The following RIOX2 variants were observed in gnomAD, a reference collection of about 807,000 sequenced individuals.
RIOX2 encodes 60S ribosomal protein L27a histidine hydroxylase.
In RIOX2, 43 loss-of-function variants were observed where a neutral mutation model predicts 51.2. The ratio of observed to expected loss-of-function variants is 0.84; its 90% CI spans 0.66 to 1.08. The LOEUF (loss-of-function observed/expected upper bound fraction) is 1.08, where lower values mean the gene tolerates loss of function less well. Ranked by LOEUF, RIOX2 falls within the 50% of genes least tolerant of loss-of-function variation. RIOX2 has a pLI of 0.00. For missense variants in RIOX2, 566 were observed against 561.7 expected, an observed-to-expected ratio of 1.01 and a Z score of -0.08; for synonymous variants, 226 against 218.5, an observed-to-expected ratio of 1.03 and a Z score of -0.30.
In RIOX2 at chr3:97,968,289, C is replaced by T. The variant is rs62264233; in HGVS notation, c.-39-657G>A. On this transcript the variant is annotated intron_variant, in intron 1 of 9. Coordinates refer to ENST00000394198, the MANE Select transcript of RIOX2 (RefSeq NM_153182.4). ...ACGGCCACTTTTATCAGAAACTCCC[C>T]TTCGTTTAAAGAAATAAAGCCCCTA... Among the ~76,000 whole-genome samples, 199 of 152,284 alleles carry T rather than the reference C, an allele frequency of 1.3e-3. 2 individuals carry two copies. The highest frequency in any genetic ancestry group is 2.1e-3 in the Non-Finnish European group (146 of 68,022).
intron 5 of RIOX2, 167 bp from the exon 6 acceptor site, chr3:97,951,055 A>C: frequency 1.7e-6 from 1 of 576,304 alleles, no homozygotes; most frequent in Non-Finnish European, 3.1e-6. Flanking sequence ...ATGGAAATCT[A>C]AGACCTTCAT....
chr3:97,954,352 A>C, intron 5 of RIOX2, 40 bp downstream of exon 5: 1 of 1,455,836 alleles, frequency 6.9e-7, no homozygotes, highest in African/African-American at 1.4e-5. Flanking sequence ...GCCAGGACTC[A>C]GAGCTGTCCT....
chr3:97,959,155 C>G lies in RIOX2; in HGVS notation c.577G>C (p.Glu193Gln), dbSNP rs1299336474. ...VEVFILQLEG[E>Q]KHWRLYHPTV... ...GGGTGGTAGAGGCGCCAGTGTTTCT[C>G]TCCCTCCAGCTGCAGGATGAAAACC... Residue 193 changes from glutamate to glutamine, a missense_variant, in exon 4 of 10, where the codon GAG becomes CAG. Coordinates refer to ENST00000394198, the MANE Select transcript of RIOX2 (RefSeq NM_153182.4). 1 of 1,613,860 alleles carries G rather than the reference C, an allele frequency of 6.2e-7. No homozygotes were observed. The highest frequency in any genetic ancestry group is 8.5e-7 in the Non-Finnish European group (1 of 1,179,964).
chr3:97,943,154 C>A lies in RIOX2; in HGVS notation c.*2030G>T. ...ACCGAAATGGTGAGCTGAACAGAAG[C>A]TTGTGAAAATTGTGAAATTGCTAAG... On this transcript the variant is annotated 3_prime_UTR_variant, in exon 10 of 10. Transcript: ENST00000394198. 1.2e-6 allele frequency: 1 copy of A among 817,900 alleles called. No homozygotes were observed. The highest frequency in any genetic ancestry group is 2.0e-6 in the Non-Finnish European group (1 of 491,242). 50.7% of individuals were successfully genotyped at this position (817,900 alleles called of 1,614,324 possible). A position where few individuals can be genotyped will look rare whatever the true frequency, so the allele number is the denominator to read the frequency against.
At chr3:97,952,916 A>C (rs1468995038) in intron 5 of RIOX2, among the ~76,000 whole-genome samples, 2 of 152,128 alleles carry the variant, frequency 1.3e-5, no homozygotes, top group Non-Finnish European at 2.9e-5. Flanking sequence ...GAAAGATAGC[A>C]CTAAACTAGG....
chr3:97,951,508 A>G (rs1279387588), intron 5 of RIOX2, among the ~76,000 whole-genome samples: 1 of 152,206 alleles, frequency 6.6e-6, no homozygotes, highest in Admixed American at 6.5e-5. Context: ...AAATATCCCT[A>G]TTCAATTACC....
rs377477938 is a variant in RIOX2 at position 97,949,988 on chromosome 3, T to G, written c.916A>C (p.Arg306=). 6.2e-7 allele frequency: 1 copy of G among 1,613,868 alleles called. No individual in the cohort carries two copies. The highest frequency in any genetic ancestry group is 8.5e-7 in the Non-Finnish European group (1 of 1,179,936). The part of the protein sequence containing the change: ...LQVESTTVAT[R]RLSGFLRTLA... Reference sequence around the variant, plus strand: ...GTCCTCAGGAAGCCACTTAATCGTCTTGTAGCAACAGTTGTGGATTCCACC... The same window carrying G: ...GTCCTCAGGAAGCCACTTAATCGTCGTGTAGCAACAGTTGTGGATTCCACC... The change falls in exon 7 of 10, where the codon AGA becomes CGA. Residue 306 remains arginine (R), a synonymous_variant. Coordinates refer to ENST00000394198, the MANE Select transcript of RIOX2 (RefSeq NM_153182.4).
Position 97,959,080 on chromosome 3 carries a change from C to G in RIOX2, c.652G>C (p.Gly218Arg). 2 of 1,613,490 alleles carry G rather than the reference C, an allele frequency of 1.2e-6. No individual in the cohort carries two copies. The highest frequency in any genetic ancestry group is 1.7e-6 in the Non-Finnish European group (2 of 1,179,716). ...EYSVEAEERI[G>R]RPVHEFMLKP... ...AGCATAAACTCATGCACCGGCCTGC[C>G]GATCCTTTCCTCGGCCTCCACGCTG... The change falls in exon 4 of 10, where the codon GGC becomes CGC. Residue 218 changes from glycine to arginine, a missense_variant. Gly to Arg is a moderately radical substitution (Grantham distance 125). Coordinates refer to ENST00000394198, the MANE Select transcript of RIOX2 (RefSeq NM_153182.4).
intron 1 of RIOX2, among the ~76,000 whole-genome samples, chr3:97,968,853 A>G (rs1044509376): frequency 2.6e-5 from 4 of 152,166 alleles, no homozygotes; most frequent in African/African-American, 9.6e-5. Context: ...TTATTTATAA[A>G]TGGTATAGTT....
At chr3:97,955,205 T>C (rs1705405826) in intron 4 of RIOX2, among the ~76,000 whole-genome samples, 2 of 152,248 alleles carry the variant, frequency 1.3e-5, no homozygotes, top group East Asian at 1.9e-4. Context: ...TTGGGATGAA[T>C]TGAAAAACTA....
At chr3:97,951,833 G>A (rs1532206) in intron 5 of RIOX2, among the ~76,000 whole-genome samples, 46,300 of 152,082 alleles carry the variant, frequency 0.3, 7,729 homozygotes, top group East Asian at 0.52. Context: ...GTGACTTAAT[G>A]TTATATCCAA....
At chr3:97,948,537 CAT>C (rs1575994182) in intron 7 of RIOX2, among the ~76,000 whole-genome samples, 3 of 152,168 alleles carry the variant, frequency 2.0e-5, no homozygotes, top group Admixed American at 2.0e-4. Flanking sequence ...AAGGCAAGAA[CAT>C]ATTCCAAACC....
Position 97,947,551 on chromosome 3 carries a change from A to C in RIOX2, c.1061-102T>G, listed in dbSNP as rs2040395203. ...TAGGAAACACATTTACTAACAATTT[A>C]CAGGTGAATCCAAACATGGCATACA... On this transcript the variant is annotated intron_variant, in intron 7 of 9. Coordinates refer to ENST00000394198, the MANE Select transcript of RIOX2 (RefSeq NM_153182.4). The C allele has an allele frequency of 9.3e-6, 8 of 859,788 alleles. No individual in the cohort carries two copies. In the South Asian group the frequency reaches 1.2e-4, roughly 13 times the overall value. 53.3% of individuals were successfully genotyped at this position (859,788 alleles called of 1,614,324 possible).
intron 8 of RIOX2, 80 bp from the exon 9 acceptor site, chr3:97,945,967 G>T: frequency 1.0e-6 from 1 of 959,788 alleles, no homozygotes; most frequent in Non-Finnish European, 1.6e-6. Flanking sequence ...TTTCCAATAG[G>T]TCAACACCAA....
chr3:97,945,797 C>A lies in RIOX2; in HGVS notation c.1239+1G>T. 1 of 1,603,620 alleles carries A rather than the reference C, an allele frequency of 6.2e-7. No individual in the cohort carries two copies. Among genetic ancestry groups the A allele is most frequent in the African/African-American group, 1.3e-5 (1 of 74,732 alleles). ...GGCATTTGTTTTCAGTTGAAACAAA[C>A]CTCTGTTTCCTCCTCATTTCCCATC... On this transcript the variant is annotated splice_donor_variant, in intron 9 of 9. Transcript: ENST00000394198. LOFTEE classifies it high-confidence loss of function.
intron 7 of RIOX2, among the ~76,000 whole-genome samples, chr3:97,948,562 G>A (rs1198428773): frequency 1.3e-5 from 2 of 152,202 alleles, no homozygotes; most frequent in Admixed American, 6.5e-5. Context: ...AACACTGACC[G>A]AACATCCCCC....
In RIOX2 at chr3:97,942,402, T is replaced by C; in HGVS notation, c.*2782A>G. 6.2e-7 allele frequency: 1 copy of C among 1,611,668 alleles called. No homozygotes were observed. The highest frequency in any genetic ancestry group is 8.5e-7 in the Non-Finnish European group (1 of 1,178,406). On this transcript the variant is annotated 3_prime_UTR_variant, in exon 10 of 10. Transcript: ENST00000394198. The stretch of plus-strand genomic sequence containing the variant: ...TGGAGACTGAATAAAAATGGAACTA[T>C]CAGCTCTTATCTCAGTGATCAACTT...
chr3:97,968,605 T>C (rs975420922), intron 1 of RIOX2, among the ~76,000 whole-genome samples: 8 of 152,212 alleles, frequency 5.3e-5, no homozygotes, highest in African/African-American at 1.9e-4. Context: ...GCAAAGCTCC[T>C]TCAGAACTGC....
rs1706171827 is a variant in RIOX2 at position 97,972,393 on chromosome 3, G to C, written c.-52C>G. 6.6e-6 allele frequency: 1 copy of C among 151,148 alleles called. No homozygotes were observed. The highest frequency in any genetic ancestry group is 6.6e-5 in the Admixed American group (1 of 15,206). 9.4% of individuals were successfully genotyped at this position (151,148 alleles called of 1,614,324 possible). On this transcript the variant is annotated 5_prime_UTR_variant, in exon 1 of 10. Transcript: ENST00000394198. ...GCGCCCCACTCACCCGGCACGGCCT[G>C]TTGCTCGCGGCCGCGAGCCCACTGC...
Sources: gnomAD v4.1 joint callset for allele counts (sites outside exome capture counted in the v4.1 genomes callset) on GRCh38, gnomAD v4.1.1 for gene constraint, MANE v1.5 for transcripts, NCBI Gene and HGNC (gene_info 2026-07-23, HGNC 2026-07-21) for gene names.